RILPL1: variants seen among roughly 807,000 people sequenced by gnomAD.
RILPL1 encodes the protein Rab interacting lysosomal protein like 1.
A neutral mutation model predicts 50.3 loss-of-function variants in RILPL1; 33 were observed. The ratio of observed to expected loss-of-function variants is 0.66; its 90% confidence interval spans 0.50 to 0.88. The LOEUF (loss-of-function observed/expected upper bound fraction) is 0.88, where lower values mean the gene tolerates loss of function less well. RILPL1 is among the 40% of genes least tolerant of loss of function. The probability of loss-of-function intolerance (pLI) is 0.00; values close to 1 mark genes in which losing one functional copy is unlikely to be tolerated. For missense variants in RILPL1, 418 were observed against 542.5 expected (o/e 0.77, Z 2.28); for synonymous variants, 205 against 228.6 (o/e 0.90, Z 0.93).
chr12:123,499,255 A>C (rs1380428821), intron 3 of RILPL1, among the ~76,000 whole-genome samples, 163 bp downstream of exon 3: 1 of 152,098 alleles, frequency 6.6e-6, no homozygotes, highest in African/African-American at 2.4e-5. Flanking sequence ...GAAGACTTGA[A>C]GTTTCCAGGC....
intron 1 of RILPL1, among the ~76,000 whole-genome samples, chr12:123,528,289 G>T (rs990225653): frequency 6.6e-6 from 1 of 151,178 alleles, no homozygotes; most frequent in Non-Finnish European, 1.5e-5. Context: ...AGCCCAGGAG[G>T]CTGAAGCTGC....
chr12:123,522,128 C>A lies in RILPL1; in HGVS notation c.460+1367G>T, dbSNP rs1325264955. Among the ~76,000 whole-genome samples the A allele has an allele frequency of 1.3e-5, 2 of 152,136 alleles. No individual in the cohort carries two copies. The highest frequency in any genetic ancestry group is 2.9e-5 in the Non-Finnish European group (2 of 68,022). ...ACCACACATTCTGAAGTTGGGCACC[C>A]ACCCCAGGTCCGTCCCCGTTCCATC... On this transcript the variant is annotated intron_variant, in intron 2 of 6. Transcript: ENST00000376874. The surrounding 1 kb of genome is among the most constrained non-coding windows in gnomAD (Gnocchi z 4.0).
intron 6 of RILPL1, among the ~76,000 whole-genome samples, chr12:123,478,227 C>T: frequency 6.6e-6 from 1 of 151,866 alleles, no homozygotes; most frequent in Admixed American, 6.6e-5. Context: ...TCTCAAACTC[C>T]TGGCCTCAAG....
Position 123,491,767 on chromosome 12 carries a change from G to A in RILPL1, c.802-5962C>T, listed in dbSNP as rs1199044247. Among the ~76,000 whole-genome samples the A allele has an allele frequency of 6.6e-6, 1 of 152,154 alleles. No homozygotes were observed. The highest frequency in any genetic ancestry group is 2.4e-5 in the African/African-American group (1 of 41,438). On this transcript the variant is annotated intron_variant, in intron 4 of 6. Transcript: ENST00000376874. The surrounding 1 kb of genome is among the most constrained non-coding windows in gnomAD (Gnocchi z 4.0). ...GCTCACACCTGTAATCCCAGCAGGA[G>A]GCCGAAGCAGGCGGATCATTTGAGG...
In RILPL1 at chr12:123,522,401, T is replaced by G. The variant is rs773961351; in HGVS notation, c.460+1094A>C. The stretch of plus-strand genomic sequence containing the variant: ...CAAGTGCTTATTGGATAAGTGACAG[T>G]TCAGGGGCTCCAGTGCCATTCAGGT... On this transcript the variant is annotated intron_variant, in intron 2 of 6. Coordinates refer to ENST00000376874, the MANE Select transcript of RILPL1 (RefSeq NM_178314.5). This position sits in a 1 kb window ranked among gnomAD's most constrained non-coding sequence, Gnocchi z 4.0. Among the ~76,000 whole-genome samples the G allele has an allele frequency of 6.6e-6, 1 of 152,204 alleles. No homozygotes were observed. Among genetic ancestry groups the G allele is most frequent in the Non-Finnish European group, 1.5e-5 (1 of 68,044 alleles).
At chr12:123,479,098 G>A (rs1881791856) in intron 6 of RILPL1, among the ~76,000 whole-genome samples, 1 of 152,136 alleles carries the variant, frequency 6.6e-6, no homozygotes, top group Non-Finnish European at 1.5e-5. Context: ...GGGGAGGGGA[G>A]CGGGAAAATG....
chr12:123,496,014 T>G (rs1287284607), intron 4 of RILPL1, among the ~76,000 whole-genome samples: 1 of 151,108 alleles, frequency 6.6e-6, no homozygotes, highest in Non-Finnish European at 1.5e-5. Context: ...CCTTTTTTTT[T>G]CTTTTTTCTT....
chr12:123,507,500 G>A (rs926103907), intron 2 of RILPL1, among the ~76,000 whole-genome samples: 2 of 151,074 alleles, frequency 1.3e-5, no homozygotes, highest in Non-Finnish European at 2.9e-5. Flanking sequence ...AGGAGTTCGA[G>A]GCTGCAATGA....
rs527585166 is a variant in RILPL1, at chr12:123,521,735, A to G, written c.460+1760T>C. 2.1e-3 allele frequency among the ~76,000 whole-genome samples: 281 copies of G among 133,114 alleles called. 5 individuals carry two copies. Among genetic ancestry groups the G allele is most frequent in the African/African-American group, 7.6e-3 (261 of 34,462 alleles). The allele number at this position is 133,114 out of a possible 152,430, so 87.3% of individuals were successfully genotyped here. On this transcript the variant is annotated intron_variant, in intron 2 of 6. Transcript: ENST00000376874. The stretch of plus-strand genomic sequence containing the variant: ...AATATATATATACACACATATATGT[A>G]TATATATAAAAATATATATATACAC...
At chr12:123,513,460 T>C (rs918245395) in intron 2 of RILPL1, 7 of 257,610 alleles carry the variant, frequency 2.7e-5, no homozygotes, top group Non-Finnish European at 5.9e-5. Context: ...CCCAGCAGCC[T>C]CATCACCTTC....
In RILPL1 at chr12:123,484,247, T is replaced by C; in HGVS notation, c.1000A>G (p.Ile334Val). Reference sequence around the variant, plus strand: ...TGGGCGATGGGTGGGGGTTGGGGTATTCGGTTTTCCTCTTCCATTTCTTCA... The same window carrying C: ...TGGGCGATGGGTGGGGGTTGGGGTACTCGGTTTTCCTCTTCCATTTCTTCA... ...KSEEMEEENR[I>V]PQPPPIAHPR... The change falls in exon 6 of 7, where the codon ATA becomes GTA. Residue 334 changes from isoleucine (I) to valine (V), a missense_variant. Physicochemically the swap from Ile to Val is conservative, Grantham distance 29. Transcript: ENST00000376874. 6.2e-7 allele frequency: 1 copy of C among 1,610,476 alleles called. No individual in the cohort carries two copies. Among genetic ancestry groups the C allele is most frequent in the Non-Finnish European group, 8.5e-7 (1 of 1,176,704 alleles).
intron 2 of RILPL1, among the ~76,000 whole-genome samples, chr12:123,502,041 C>G (rs1202290490): frequency 1.3e-5 from 2 of 150,254 alleles, no homozygotes; most frequent in African/African-American, 4.9e-5. Flanking sequence ...GATCATACCC[C>G]TGTACTCCAG....
chr12:123,504,423 G>T (rs1296871208), intron 2 of RILPL1, among the ~76,000 whole-genome samples: 1 of 152,140 alleles, frequency 6.6e-6, no homozygotes, highest in Non-Finnish European at 1.5e-5. Flanking sequence ...TGTGTTTCCA[G>T]AACAGCAGGC....
At chr12:123,524,138 C>A (rs1885167733) in intron 1 of RILPL1, among the ~76,000 whole-genome samples, 1 of 152,230 alleles carries the variant, frequency 6.6e-6, no homozygotes, top group South Asian at 2.1e-4. Context: ...TCCATGGGGT[C>A]TTCAACCACT....
chr12:123,493,028 G>T (rs1360558002), intron 4 of RILPL1, among the ~76,000 whole-genome samples: 2 of 152,026 alleles, frequency 1.3e-5, no homozygotes, highest in African/African-American at 4.8e-5. Flanking sequence ...CACCTGTAAA[G>T]GGTCTGTGCT....
intron 6 of RILPL1, among the ~76,000 whole-genome samples, chr12:123,482,211 A>G (rs968634132): frequency 2.6e-5 from 4 of 152,192 alleles, no homozygotes; most frequent in African/African-American, 9.6e-5. Flanking sequence ...GTTGAGTTTC[A>G]ATTGCAAATG....
Position 123,472,630 on chromosome 12 carries a change from C to G in RILPL1, c.1120G>C (p.Val374Leu). 1 of 1,593,344 alleles carries G rather than the reference C, an allele frequency of 6.3e-7. No homozygotes were observed. The highest frequency in any genetic ancestry group is 1.1e-5 in the South Asian group (1 of 87,490). The change falls in exon 7 of 7, where the codon GTG (valine) becomes CTG (leucine). Residue 374 changes from valine to leucine, a missense_variant. Coordinates refer to ENST00000376874, the MANE Select transcript of RILPL1 (RefSeq NM_178314.5). ...KKRLANTQRN[V>L]HIQESFGQWA... ...TGTCCAAAGGACTCCTGGATGTGCA[C>G]GTTTCTCTGTGTGTTGGCCAGGCGC...
chr12:123,522,970 A>C lies in RILPL1; in HGVS notation c.460+525T>G, dbSNP rs1478828325. Among the ~76,000 whole-genome samples the C allele has an allele frequency of 2.0e-5, 3 of 152,032 alleles. No individual in the cohort carries two copies. The highest frequency in any genetic ancestry group is 4.4e-5 in the Non-Finnish European group (3 of 68,000). ...TGACTGCCCCTGCAACCCCCGACCC[A>C]ACAAATGCAGATATTTGCGTGGCTC... is the stretch of plus-strand genomic sequence containing the variant. On this transcript the variant is annotated intron_variant, in intron 2 of 6. Coordinates refer to ENST00000376874, the MANE Select transcript of RILPL1 (RefSeq NM_178314.5). The surrounding 1 kb of genome is among the most constrained non-coding windows in gnomAD (Gnocchi z 4.0).
chr12:123,510,124 C>A (rs982359973), intron 2 of RILPL1, among the ~76,000 whole-genome samples: 3 of 152,234 alleles, frequency 2.0e-5, no homozygotes, highest in African/African-American at 7.2e-5. Flanking sequence ...GAACCGGCAA[C>A]CAAGCCGGGC....
Sources: allele counts gnomAD v4.1 joint callset (sites outside exome capture counted in the v4.1 genomes callset), GRCh38; gene constraint gnomAD v4.1.1; non-coding constraint Gnocchi (gnomAD v3.1); transcripts MANE v1.5; gene names NCBI Gene and HGNC (gene_info 2026-07-23, HGNC 2026-07-21).